The following RECQL variants were observed in gnomAD, a reference collection of about 807,000 sequenced individuals.
RECQL encodes the protein ATP-dependent DNA helicase Q1.
A neutral mutation model predicts 75.8 loss-of-function variants in RECQL; 73 were observed. That is an observed-to-expected ratio of 0.96 (90% CI 0.80 to 1.17). The LOEUF (loss-of-function observed/expected upper bound fraction) is 1.17. Among genes scored for constraint, RECQL ranks in the 50% most tolerant of loss-of-function variants. The pLI is 0.00. For synonymous variants in RECQL, 248 were observed against 254.4 expected (o/e 0.97, Z 0.24); for missense variants, 699 against 772.1 (o/e 0.91, Z 1.12).
At position 21,474,872 on chromosome 12, in the gene RECQL, C is replaced by CGAGA; in HGVS notation, c.1323_1324insTCTC (p.Glu442SerfsTer23). 1 of 1,613,076 alleles carries CGAGA rather than the reference C, an allele frequency of 6.2e-7. No individual in the cohort carries two copies. The highest frequency in any genetic ancestry group is 8.5e-7 in the Non-Finnish European group (1 of 1,179,176). The stretch of plus-strand genomic sequence containing the variant: ...ATGTTTTGACAGTATGATACCATCT[C>CGAGA]ATAAAGCTTCTGCTGTCCCACATTT... On this transcript the variant is annotated frameshift_variant, in exon 11 of 15. Coordinates refer to ENST00000444129, the MANE Select transcript of RECQL (RefSeq NM_002907.4). LOFTEE classifies it high-confidence loss of function.
Position 21,491,494 on chromosome 12 carries a change from CAAAAAAA to C in RECQL, c.214+18_214+24del. 3.8e-6 allele frequency: 5 copies of C among 1,322,964 alleles called. No individual in the cohort carries two copies. The highest frequency in any genetic ancestry group is 2.9e-5 in the South Asian group (2 of 68,640). 82.0% of individuals were successfully genotyped at this position (1,322,964 alleles called of 1,614,324 possible). A position where few individuals can be genotyped will look rare whatever the true frequency, so the allele number is the denominator to read the frequency against. The stretch of plus-strand genomic sequence containing the variant: ...AAAATATGAGAAGAAATAAAACTAG[CAAAAAAA>C]AAAAAAAAAAAGTTAACCTTCTTTA... On this transcript the variant is annotated intron_variant, in intron 3 of 14. Coordinates refer to ENST00000444129, the MANE Select transcript of RECQL (RefSeq NM_002907.4).
intron 4 of RECQL, among the ~76,000 whole-genome samples, chr12:21,489,893 G>A (rs956101072): frequency 2.0e-5 from 3 of 152,142 alleles, no homozygotes; most frequent in African/African-American, 7.2e-5. Context: ...GAGGGCAAGG[G>A]CTGAAAAACT....
At chr12:21,493,572 C>T (rs1943451163) in intron 2 of RECQL, among the ~76,000 whole-genome samples, 1 of 152,162 alleles carries the variant, frequency 6.6e-6, no homozygotes, top group Non-Finnish European at 1.5e-5. Flanking sequence ...AACTGAATTC[C>T]CAACCTTGCA....
intron 7 of RECQL, among the ~76,000 whole-genome samples, chr12:21,477,296 T>A (rs995616784): frequency 1.3e-5 from 2 of 152,210 alleles, no homozygotes; most frequent in Non-Finnish European, 2.9e-5. Context: ...CATAAATAAC[T>A]CTTTAATGAA....
chr12:21,479,350 A>ATTTT (rs11366827), intron 6 of RECQL, among the ~76,000 whole-genome samples: 3 of 116,308 alleles, frequency 2.6e-5, no homozygotes, highest in African/African-American at 3.0e-5. Context: ...TCATCATGTA[A>ATTTT]TTTTTTTTTT....
chr12:21,487,283 A>G (rs1412312859), intron 4 of RECQL, among the ~76,000 whole-genome samples: 1 of 152,172 alleles, frequency 6.6e-6, no homozygotes, highest in Non-Finnish European at 1.5e-5. Flanking sequence ...AAAGCTTTCC[A>G]AAAAAACCAG....
intron 1 of RECQL, among the ~76,000 whole-genome samples, chr12:21,500,056 C>T (rs1051929451): frequency 6.6e-6 from 1 of 152,202 alleles, no homozygotes; most frequent in African/African-American, 2.4e-5. Context: ...ACCTGTAAAA[C>T]TGGGAGGATG....
rs528330306 is a variant in RECQL, at chr12:21,470,830, C to T, written c.1797+139G>A. 2.2e-5 allele frequency: 12 copies of T among 535,580 alleles called. No homozygotes were observed. In the East Asian group the frequency reaches 3.6e-4, roughly 16 times the overall value. The allele number at this position is 535,580 out of a possible 1,614,324, so 33.2% of individuals were successfully genotyped here. On this transcript the variant is annotated intron_variant, in intron 14 of 14. Coordinates refer to ENST00000444129, the MANE Select transcript of RECQL (RefSeq NM_002907.4). The stretch of plus-strand genomic sequence containing the variant: ...CTTTACAGAAAACTATATTTTCTCT[C>T]TTCCATACCCAGAAATCTAATCAGA...
intron 6 of RECQL, 150 bp downstream of exon 6, chr12:21,483,226 C>A: frequency 1.6e-6 from 1 of 642,252 alleles, no homozygotes; most frequent in Non-Finnish European, 2.6e-6. Flanking sequence ...AAATTTAAAA[C>A]CCTTTTGGTT....
At chr12:21,473,716 T>C (rs2137328773) in intron 11 of RECQL, 74 bp from the exon 12 acceptor site, 1 of 1,266,518 alleles carries the variant, frequency 7.9e-7, no homozygotes, top group East Asian at 2.5e-5. Context: ...TCAGCTTACA[T>C]AGTTATATAC....
intron 6 of RECQL, among the ~76,000 whole-genome samples, chr12:21,481,123 G>A (rs182798145): frequency 1.1e-4 from 16 of 152,294 alleles, no homozygotes; most frequent in African/African-American, 3.9e-4. Context: ...GTGAGTGAGT[G>A]GATGATTTTT....
chr12:21,492,052 T>G (rs1022584269), intron 2 of RECQL, among the ~76,000 whole-genome samples: 1 of 152,190 alleles, frequency 6.6e-6, no homozygotes, highest in African/African-American at 2.4e-5. Flanking sequence ...ACACAAATAT[T>G]TAATACATGA....
chr12:21,479,973 C>T (rs1943161728), intron 6 of RECQL, among the ~76,000 whole-genome samples: 1 of 152,050 alleles, frequency 6.6e-6, no homozygotes, highest in African/African-American at 2.4e-5. Context: ...CAAGCATTTC[C>T]CTAGGCACTG....
At chr12:21,490,648 C>G (rs1190790284) in intron 3 of RECQL, among the ~76,000 whole-genome samples, 1 of 151,998 alleles carries the variant, frequency 6.6e-6, no homozygotes, top group Non-Finnish European at 1.5e-5. Context: ...GAGTTCGAGA[C>G]CAGCCTGAGC....
At position 21,477,758 on chromosome 12, in the gene RECQL, C is replaced by T. The variant is rs566976635; in HGVS notation, c.867+45G>A. 5.8e-5 allele frequency: 86 copies of T among 1,495,188 alleles called. 1 individual carries two copies. Among genetic ancestry groups the T allele is most frequent in the South Asian group, 3.7e-4 (30 of 80,662 alleles). 92.6% of individuals were successfully genotyped at this position (1,495,188 alleles called of 1,614,324 possible). On this transcript the variant is annotated intron_variant, in intron 7 of 14. Coordinates refer to ENST00000444129, the MANE Select transcript of RECQL (RefSeq NM_002907.4). Reference sequence around the variant, plus strand: ...ATAATAAAAAGGCAGATCCCCTCTGCGTAATTCTTCACAAAAGTAAGGAAT... The same window carrying T: ...ATAATAAAAAGGCAGATCCCCTCTGTGTAATTCTTCACAAAAGTAAGGAAT...
chr12:21,490,859 C>CA (rs1182965156), intron 3 of RECQL, among the ~76,000 whole-genome samples: 5 of 149,808 alleles, frequency 3.3e-5, no homozygotes, highest in Admixed American at 6.6e-5. Context: ...ATCTCAAAAA[C>CA]AAAAAAAAAG....
chr12:21,486,559 T>C lies in RECQL; in HGVS notation c.421A>G (p.Ile141Val). 1 of 1,542,696 alleles carries C rather than the reference T, an allele frequency of 6.5e-7. No homozygotes were observed. Among genetic ancestry groups the C allele is most frequent in the Non-Finnish European group, 8.7e-7 (1 of 1,146,946 alleles). Residue 141 changes from isoleucine (I) to valine (V), a missense_variant, in exon 5 of 15, where the codon ATC becomes GTC. By Grantham distance (29) the Ile-to-Val change is conservative. This residue lies in a region of RECQL where 669 missense variants were observed against 713.5 expected (regional missense o/e 0.94). Transcript: ENST00000444129. ...DGFTLVICPL[I>V]SLMEDQLMVL... ...ATTAATTGGTCTTCCATAAGAGAGA[T>C]CAATGGGCAAATGACGAGTGTAAAA...
chr12:21,490,476 G>T (rs1943389492), intron 3 of RECQL, 98 bp from the exon 4 acceptor site: 3 of 716,320 alleles, frequency 4.2e-6, no homozygotes, highest in Admixed American at 5.6e-5. Context: ...AATACTTATA[G>T]ACCATTAAAC....
chr12:21,500,881 A>G (rs1317666851), intron 1 of RECQL, among the ~76,000 whole-genome samples: 1 of 152,216 alleles, frequency 6.6e-6, no homozygotes, highest in Non-Finnish European at 1.5e-5. Context: ...GCTCCTTCCC[A>G]AAATGATGTG....
Sources: allele counts gnomAD v4.1 joint callset (sites outside exome capture counted in the v4.1 genomes callset), GRCh38; gene constraint gnomAD v4.1.1; regional missense constraint gnomAD v4.1.1; transcripts MANE v1.5; gene names NCBI Gene and HGNC (gene_info 2026-07-23, HGNC 2026-07-21).